ABHD2: variants seen among roughly 807,000 people sequenced by gnomAD.
ABHD2 encodes monoacylglycerol lipase ABHD2.
In ABHD2, 20 loss-of-function variants were observed where a neutral mutation model predicts 48.1. The ratio of observed to expected loss-of-function variants is 0.42; its 90% CI spans 0.29 to 0.60. The LOEUF (loss-of-function observed/expected upper bound fraction) is 0.60. Among genes scored for constraint, ABHD2 ranks in the 20% least tolerant of loss-of-function variants. The pLI, the probability that ABHD2 is intolerant of heterozygous loss-of-function variation, is 0.24. For synonymous variants in ABHD2, 209 were observed against 214.2 expected (o/e 0.98, Z 0.21); for missense variants, 405 against 550.9 (o/e 0.74, Z 2.65).
Position 89,116,610 on chromosome 15 carries a change from C to T in ABHD2, c.194+89C>T. On this transcript the variant is annotated intron_variant, in intron 3 of 10. Coordinates refer to ENST00000352732, the MANE Select transcript of ABHD2 (RefSeq NM_152924.5). The surrounding 1 kb of genome is among the most constrained non-coding windows in gnomAD (Gnocchi z 4.6). ...AAAGAAGAAACTTCTCTCATCGTGT[C>T]CTTAAGGCATCAATGGGATATGACG... 1 of 1,393,942 alleles carries T rather than the reference C, an allele frequency of 7.2e-7. No individual in the cohort carries two copies. The highest frequency in any genetic ancestry group is 1.4e-5 in the South Asian group (1 of 73,532). 86.3% of individuals were successfully genotyped at this position (1,393,942 alleles called of 1,614,324 possible).
At chr15:89,163,105 G>GC (rs1232716535) in intron 5 of ABHD2, among the ~76,000 whole-genome samples, 1 of 152,172 alleles carries the variant, frequency 6.6e-6, no homozygotes, top group Non-Finnish European at 1.5e-5. Context: ...TGGGCTTTTT[G>GC]CAACTGTGAT....
At chr15:89,192,424 G>A (rs2051322165) in intron 9 of ABHD2, among the ~76,000 whole-genome samples, 1 of 152,098 alleles carries the variant, frequency 6.6e-6, no homozygotes, top group African/African-American at 2.4e-5. Context: ...TTTTAGTAAA[G>A]TGGATGTTGA....
At chr15:89,056,187 A>C in the ABHD2 span, among the ~76,000 whole-genome samples, 1 of 152,110 alleles carries the variant, frequency 6.6e-6, no homozygotes, top group Non-Finnish European at 1.5e-5. Flanking sequence ...TTGTAAATGG[A>C]GGTGGGAATC....
chr15:89,151,425 C>T lies in ABHD2; in HGVS notation c.195-252C>T, dbSNP rs1311434251. 6.6e-6 allele frequency among the ~76,000 whole-genome samples: 1 copy of T among 152,130 alleles called. No homozygotes were observed. The highest frequency in any genetic ancestry group is 1.9e-4 in the East Asian group (1 of 5,200). ...GCCATGTTGAATTACTTAACAGTTACCCTAAATTGAAATCCTCTTTATATA... is the reference window on the plus strand; with the variant it reads ...GCCATGTTGAATTACTTAACAGTTATCCTAAATTGAAATCCTCTTTATATA... On this transcript the variant is annotated intron_variant, in intron 3 of 10. Transcript: ENST00000352732. The surrounding 1 kb of genome is among the most constrained non-coding windows in gnomAD (Gnocchi z 4.7).
the ABHD2 span, among the ~76,000 whole-genome samples, chr15:89,042,689 C>T: frequency 6.6e-6 from 1 of 151,090 alleles, no homozygotes; most frequent in African/African-American, 2.4e-5. Flanking sequence ...CTCTGTCGCC[C>T]AGACTGGAGT....
At position 89,155,008 on chromosome 15, in the gene ABHD2, C is replaced by G. The variant is rs1567094438; in HGVS notation, c.371-359C>G. Among the ~76,000 whole-genome samples, 6 of 152,320 alleles carry G rather than the reference C, an allele frequency of 3.9e-5. No homozygotes were observed. The South Asian group carries it at 1.2e-3, about 32-fold the overall frequency. On this transcript the variant is annotated intron_variant, in intron 4 of 10. Coordinates refer to ENST00000352732, the MANE Select transcript of ABHD2 (RefSeq NM_152924.5). The surrounding 1 kb of genome is among the most constrained non-coding windows in gnomAD (Gnocchi z 4.9). ...TCTTACAGAAATTAAGAGTAATGTT[C>G]AGGAACTTCTATAGCAATGTGACAG...
rs2050857890 is a variant in ABHD2, at chr15:89,167,665, C to T, written c.539-8147C>T. ...CTTATTTCAGAGATAAGGGCAAGGC[C>T]AACTAATTTGATAGCACAAAGGGGC... On this transcript the variant is annotated intron_variant, in intron 5 of 10. Transcript: ENST00000352732. The surrounding 1 kb of genome is among the most constrained non-coding windows in gnomAD (Gnocchi z 5.5). Among the ~76,000 whole-genome samples the T allele has an allele frequency of 6.6e-6, 1 of 152,152 alleles. No homozygotes were observed. Among genetic ancestry groups the T allele is most frequent in the African/African-American group, 2.4e-5 (1 of 41,438 alleles).
At chr15:89,191,834 G>T (rs1425873626) in intron 9 of ABHD2, among the ~76,000 whole-genome samples, 1 of 152,016 alleles carries the variant, frequency 6.6e-6, no homozygotes, top group Non-Finnish European at 1.5e-5. Context: ...TCACCATGTT[G>T]GTCAGGCTGG....
At chr15:89,129,517 A>C (rs2050186433) in intron 3 of ABHD2, among the ~76,000 whole-genome samples, 1 of 152,170 alleles carries the variant, frequency 6.6e-6, no homozygotes, top group Admixed American at 6.5e-5. Flanking sequence ...CCAGAGAAGG[A>C]AGGAGAAAAA....
chr15:89,087,627 C>A (rs1901406708), upstream of ABHD2: 2 of 152,156 alleles, frequency 1.3e-5, no homozygotes, highest in African/African-American at 4.8e-5. This position sits in a 1 kb window ranked among gnomAD's most constrained non-coding sequence, Gnocchi z 5.5. Context: ...ACTATTGTTA[C>A]CCTCAGTTGC....
At position 89,173,972 on chromosome 15, in the gene ABHD2, C is replaced by T. The variant is rs2050970094; in HGVS notation, c.539-1840C>T. Among the ~76,000 whole-genome samples the T allele has an allele frequency of 6.6e-6, 1 of 152,040 alleles. No homozygotes were observed. Among genetic ancestry groups the T allele is most frequent in the African/African-American group, 2.4e-5 (1 of 41,360 alleles). Reference sequence around the variant, plus strand: ...GCTCCTTCTAAGCCCCCAGCATTTCCAGATCATGATTATTAGTCAAAAGTA... The same window carrying T: ...GCTCCTTCTAAGCCCCCAGCATTTCTAGATCATGATTATTAGTCAAAAGTA... On this transcript the variant is annotated intron_variant, in intron 5 of 10. Coordinates refer to ENST00000352732, the MANE Select transcript of ABHD2 (RefSeq NM_152924.5). The surrounding 1 kb of genome is among the most constrained non-coding windows in gnomAD (Gnocchi z 6.5).
chr15:89,159,426 G>T (rs185548319), intron 5 of ABHD2, among the ~76,000 whole-genome samples: 1 of 152,272 alleles, frequency 6.6e-6, no homozygotes, highest in Admixed American at 6.5e-5. Context: ...AACACAGCGG[G>T]CCTGGTGAAT....
chr15:89,175,146 A>G lies in ABHD2; in HGVS notation c.539-666A>G, dbSNP rs2050991057. On this transcript the variant is annotated intron_variant, in intron 5 of 10. Transcript: ENST00000352732. The surrounding 1 kb of genome is among the most constrained non-coding windows in gnomAD (Gnocchi z 5.7). ...TTTTCTTAACACCATGAATCATCAT[A>G]CACATGGGTATAGCATCCCAATTTG... 6.6e-6 allele frequency among the ~76,000 whole-genome samples: 1 copy of G among 152,256 alleles called. No individual in the cohort carries two copies.
the ABHD2 span, among the ~76,000 whole-genome samples, chr15:89,081,166 A>ATTT: frequency 3.5e-5 from 4 of 115,300 alleles, no homozygotes; most frequent in African/African-American, 1.1e-4. Flanking sequence ...TGCCCAGCTA[A>ATTT]TTTTTTTTTT....
At chr15:89,145,903 C>T (rs905542467) in intron 3 of ABHD2, among the ~76,000 whole-genome samples, 2 of 152,144 alleles carry the variant, frequency 1.3e-5, no homozygotes, top group Non-Finnish European at 2.9e-5. Flanking sequence ...TAGTAGGCAC[C>T]CCAGTGTCCT....
At chr15:89,043,343 T>C in the ABHD2 span, among the ~76,000 whole-genome samples, 1 of 152,112 alleles carries the variant, frequency 6.6e-6, no homozygotes, top group South Asian at 2.1e-4. Context: ...GGAGGATTAC[T>C]TTAGCCCAGG....
the ABHD2 span, among the ~76,000 whole-genome samples, chr15:89,049,120 G>A: frequency 1.3e-5 from 2 of 152,254 alleles, no homozygotes; most frequent in East Asian, 1.9e-4. Context: ...ACGCTCAGCT[G>A]CAGGTCTGTT....
chr15:89,196,700 G>C lies in ABHD2; in HGVS notation c.*1277G>C, dbSNP rs150761323. The C allele has an allele frequency of 1.3e-5, 2 of 152,006 alleles. No homozygotes were observed. Among genetic ancestry groups the C allele is most frequent in the East Asian group, 3.9e-4 (2 of 5,140 alleles). 9.4% of individuals were successfully genotyped at this position (152,006 alleles called of 1,614,324 possible). A position where few individuals can be genotyped will look rare whatever the true frequency, so the allele number is the denominator to read the frequency against. ...TTTGATACCAAACAATTCAAAAGTT[G>C]GATCTGAGTTTGGAGAAAGATATTT... On this transcript the variant is annotated 3_prime_UTR_variant, in exon 11 of 11. Coordinates refer to ENST00000352732, the MANE Select transcript of ABHD2 (RefSeq NM_152924.5).
chr15:89,181,773 A>T (rs1402251925), intron 6 of ABHD2, among the ~76,000 whole-genome samples: 1 of 152,220 alleles, frequency 6.6e-6, no homozygotes, highest in African/African-American at 2.4e-5. Context: ...ACTTTGCAAA[A>T]TATGAACTGG....
Sources: allele counts gnomAD v4.1 joint callset (sites outside exome capture counted in the v4.1 genomes callset), GRCh38; gene constraint gnomAD v4.1.1; non-coding constraint Gnocchi (gnomAD v3.1); transcripts MANE v1.5; gene names NCBI Gene and HGNC (gene_info 2026-07-23, HGNC 2026-07-21).